Variants in PTPRZ1 observed in about 807,000 individuals in gnomAD.
PTPRZ1 encodes the protein receptor-type tyrosine-protein phosphatase zeta.
Under a neutral mutation model 214.1 loss-of-function variants are expected in PTPRZ1, and 82 were observed. The ratio of observed to expected loss-of-function variants is 0.38; its 90% confidence interval spans 0.32 to 0.46. The LOEUF is 0.46. Ranked by LOEUF, PTPRZ1 falls within the 20% of genes least tolerant of loss-of-function variation. PTPRZ1 has a pLI of 1.00. For synonymous variants in PTPRZ1, 945 were observed against 987.9 expected (o/e 0.96, Z 0.81); for missense variants, 2,603 against 2,748.7 (o/e 0.95, Z 1.19).
chr7:121,997,990 G>A lies in PTPRZ1; in HGVS notation c.1224G>A (p.Met408Ile). The change falls in exon 10 of 30, where the codon ATG becomes ATA. Residue 408 changes from methionine to isoleucine, a missense_variant. Coordinates refer to ENST00000393386, the MANE Select transcript of PTPRZ1 (RefSeq NM_002851.3). Reference sequence around the variant, plus strand: ...ACAGCGACCAACTGATTGTCGACATGCCTACTGATAATCCTGGTAAGTGCC... The same window carrying A: ...ACAGCGACCAACTGATTGTCGACATACCTACTGATAATCCTGGTAAGTGCC... ...GKYSDQLIVD[M>I]PTDNPELDLF... 1 of 1,612,812 alleles carries A rather than the reference G, an allele frequency of 6.2e-7. No homozygotes were observed. The highest frequency in any genetic ancestry group is 8.5e-7 in the Non-Finnish European group (1 of 1,179,550).
At chr7:121,992,707 A>G (rs1057109738) in intron 8 of PTPRZ1, among the ~76,000 whole-genome samples, 2 of 150,738 alleles carry the variant, frequency 1.3e-5, no homozygotes, top group Non-Finnish European at 3.0e-5. Context: ...GAAAGCTATC[A>G]CAGGAATGAG....
chr7:121,924,868 A>T (rs76008347), intron 1 of PTPRZ1, among the ~76,000 whole-genome samples: 2,843 of 152,314 alleles, frequency 0.019, 83 homozygotes, highest in African/African-American at 0.065. Flanking sequence ...ATTGATTGCC[A>T]GGTTAAATCA....
At chr7:122,029,853 G>A (rs1799322757) in intron 14 of PTPRZ1, among the ~76,000 whole-genome samples, 1 of 151,592 alleles carries the variant, frequency 6.6e-6, no homozygotes, top group Admixed American at 6.6e-5. Context: ...CTTTTGTCAA[G>A]TCTGTGTCTT....
intron 8 of PTPRZ1, among the ~76,000 whole-genome samples, chr7:121,989,625 C>T (rs1214142998): frequency 2.0e-5 from 3 of 152,146 alleles, no homozygotes; most frequent in East Asian, 1.9e-4. Flanking sequence ...CCGCCCACCT[C>T]GGCCTCCCAA....
At chr7:121,966,949 A>G (rs1797063713) in intron 2 of PTPRZ1, 1 of 152,202 alleles carries the variant, frequency 6.6e-6, no homozygotes, top group Non-Finnish European at 1.5e-5. Context: ...ATATAAAATG[A>G]AAACTACACT....
intron 12 of PTPRZ1, among the ~76,000 whole-genome samples, chr7:122,014,296 C>T (rs1480581991): frequency 6.6e-6 from 1 of 151,096 alleles, no homozygotes; most frequent in Admixed American, 6.6e-5. Context: ...TAAACTAATT[C>T]TATTTAATTA....
intron 1 of PTPRZ1, among the ~76,000 whole-genome samples, chr7:121,910,661 AAG>A (rs1795245908): frequency 6.6e-6 from 1 of 152,168 alleles, no homozygotes; most frequent in South Asian, 2.1e-4. Flanking sequence ...GGGAAGAAAA[AAG>A]AGAAGGTGGG....
At chr7:121,873,629 T>C (rs1283240908) in intron 1 of PTPRZ1, 72 bp downstream of exon 1, 2 of 1,558,308 alleles carry the variant, frequency 1.3e-6, no homozygotes, top group Non-Finnish European at 8.8e-7. Flanking sequence ...TTTCAGCGTG[T>C]CCGCGACTTG....
At chr7:121,985,236 A>G (rs1043278566) in intron 8 of PTPRZ1, among the ~76,000 whole-genome samples, 5 of 152,224 alleles carry the variant, frequency 3.3e-5, no homozygotes, top group Admixed American at 6.5e-5. Flanking sequence ...AGTACTAAAT[A>G]CTATAGCATA....
chr7:121,975,558 G>A (rs1797403499), intron 4 of PTPRZ1, among the ~76,000 whole-genome samples: 1 of 152,142 alleles, frequency 6.6e-6, no homozygotes, highest in Non-Finnish European at 1.5e-5. Context: ...GCTCTCAGAG[G>A]CTTCCTACTC....
intron 2 of PTPRZ1, among the ~76,000 whole-genome samples, chr7:121,940,939 C>T (rs1206517): frequency 0.69 from 104,400 of 152,092 alleles, 37,406 homozygotes; most frequent in African/African-American, 0.91. Context: ...CAGGTCTCTC[C>T]GATTCTGTTT....
At chr7:121,960,535 A>G (rs993349436) in intron 2 of PTPRZ1, among the ~76,000 whole-genome samples, 10 of 152,184 alleles carry the variant, frequency 6.6e-5, no homozygotes, top group African/African-American at 1.9e-4. Flanking sequence ...TTTTTATTAT[A>G]TATCTATTAA....
At chr7:121,972,495 A>G (rs1345914290) in intron 3 of PTPRZ1, 46 bp from the exon 4 acceptor site, 3 of 1,496,572 alleles carry the variant, frequency 2.0e-6, no homozygotes, top group Non-Finnish European at 1.8e-6. Context: ...GAAATTTAAA[A>G]TTTTGATTTT....
At chr7:122,006,914 G>A (rs1203592799) in intron 11 of PTPRZ1, among the ~76,000 whole-genome samples, 1 of 152,086 alleles carries the variant, frequency 6.6e-6, no homozygotes, top group Non-Finnish European at 1.5e-5. Flanking sequence ...CATCTAAACT[G>A]AAAGGCAAGA....
At chr7:121,990,842 G>GT (rs916013594) in intron 8 of PTPRZ1, among the ~76,000 whole-genome samples, 13 of 152,066 alleles carry the variant, frequency 8.5e-5, no homozygotes, top group African/African-American at 1.2e-4. Context: ...TTGTTTGTTT[G>GT]TTTTTTAAAT....
intron 1 of PTPRZ1, chr7:121,908,364 GAAAAGAA>G: frequency 1.2e-5 from 3 of 251,834 alleles, no homozygotes; most frequent in South Asian, 4.1e-5. Flanking sequence ...AATCCCTTTG[GAAAAGAA>G]TATCAACTAT....
intron 27 of PTPRZ1, among the ~76,000 whole-genome samples, chr7:122,057,237 T>G (rs1792380038): frequency 6.6e-6 from 1 of 151,938 alleles, no homozygotes; most frequent in Non-Finnish European, 1.5e-5. Context: ...AAAGGTATCC[T>G]CTCATCAGGA....
At chr7:122,052,033 C>A in intron 25 of PTPRZ1, 94 bp downstream of exon 25, 1 of 902,818 alleles carries the variant, frequency 1.1e-6, no homozygotes, top group Non-Finnish European at 1.6e-6. Flanking sequence ...CAGGCATGGG[C>A]AAATGAGTGG....
At chr7:122,015,059 A>C (rs1798805236) in intron 12 of PTPRZ1, among the ~76,000 whole-genome samples, 1 of 152,244 alleles carries the variant, frequency 6.6e-6, no homozygotes, top group South Asian at 2.1e-4. Context: ...GATGTTTCTT[A>C]GAGCAGATTA....
Sources: allele counts gnomAD v4.1 joint callset (sites outside exome capture counted in the v4.1 genomes callset), GRCh38; gene constraint gnomAD v4.1.1; transcripts MANE v1.5; gene names NCBI Gene and HGNC (gene_info 2026-07-23, HGNC 2026-07-21).